Variants in IQSEC1 observed in about 807,000 individuals in gnomAD.
IQSEC1 encodes the protein IQ motif and Sec7 domain ArfGEF 1, also known as IQ motif and SEC7 domain-containing protein 1.
IQSEC1 carries 31 observed loss-of-function variants against 91.0 expected under a neutral mutation model. That is an observed-to-expected ratio of 0.34 (90% confidence interval 0.26 to 0.46). IQSEC1 has a LOEUF of 0.46. IQSEC1 is among the 20% of genes least tolerant of loss of function. The pLI, the probability that IQSEC1 is intolerant of heterozygous loss-of-function variation, is 1.00. For synonymous variants in IQSEC1, 699 were observed against 662.6 expected (o/e 1.05, Z -0.84); for missense variants, 1,388 against 1,575.6 (o/e 0.88, Z 2.02).
At chr3:13,167,466 G>T (rs1693518569) in intron 1 of IQSEC1, among the ~76,000 whole-genome samples, 1 of 152,198 alleles carries the variant, frequency 6.6e-6, no homozygotes, top group South Asian at 2.1e-4. Flanking sequence ...AAGCAGCTGG[G>T]AGTGGCTGAA....
At chr3:13,109,965 C>T (rs1292448451) in intron 2 of IQSEC1, among the ~76,000 whole-genome samples, 3 of 150,704 alleles carry the variant, frequency 2.0e-5, no homozygotes, top group African/African-American at 7.3e-5. Context: ...TCACTGTAAC[C>T]TCCACCTCCC....
intron 13 of IQSEC1, 144 bp downstream of exon 13, chr3:12,902,629 G>A (rs1694448810): frequency 3.2e-6 from 2 of 617,318 alleles, no homozygotes; most frequent in South Asian, 4.0e-5. Context: ...CTGTGCAGTA[G>A]GGGAAGGAAA....
intron 1 of IQSEC1, among the ~76,000 whole-genome samples, chr3:12,949,356 G>C (rs769343060): frequency 1.6e-4 from 25 of 152,240 alleles, no homozygotes; most frequent in Non-Finnish European, 2.9e-4. Flanking sequence ...TCTTCAGAGG[G>C]GGCCGGGCCC....
chr3:13,067,347 C>T (rs1436187637), intron 1 of IQSEC1, among the ~76,000 whole-genome samples: 4 of 152,208 alleles, frequency 2.6e-5, no homozygotes, highest in African/African-American at 9.6e-5. Context: ...TTAGCCAGCA[C>T]CCAGGAGCAA....
intron 2 of IQSEC1, among the ~76,000 whole-genome samples, chr3:13,089,632 T>C (rs12490669): frequency 3.0e-4 from 46 of 152,154 alleles, no homozygotes; most frequent in Non-Finnish European, 5.3e-4. Context: ...TGTGGCAACA[T>C]GGATAAACCT....
intron 1 of IQSEC1, among the ~76,000 whole-genome samples, chr3:12,984,612 G>A (rs1701632866): frequency 1.3e-5 from 2 of 152,100 alleles, no homozygotes; most frequent in South Asian, 4.1e-4. Flanking sequence ...ATGCATGCAC[G>A]ACCTGTAGCC....
intron 1 of IQSEC1, among the ~76,000 whole-genome samples, chr3:13,058,760 G>A (rs1355851111): frequency 6.6e-6 from 1 of 152,198 alleles, no homozygotes; most frequent in Non-Finnish European, 1.5e-5. Context: ...CTGAGTGTGG[G>A]GGCTTCTATT....
At chr3:12,968,711 T>A (rs1700756785) in intron 1 of IQSEC1, among the ~76,000 whole-genome samples, 1 of 152,096 alleles carries the variant, frequency 6.6e-6, no homozygotes, top group African/African-American at 2.4e-5. Context: ...TGCCTAGACG[T>A]GGTTGGGAGA....
chr3:13,062,501 G>T (rs1705098676), intron 1 of IQSEC1, among the ~76,000 whole-genome samples: 1 of 152,110 alleles, frequency 6.6e-6, no homozygotes, highest in Non-Finnish European at 1.5e-5. Context: ...CCTTGGAGAG[G>T]GGTGGGGTCC....
intron 1 of IQSEC1, among the ~76,000 whole-genome samples, chr3:13,181,250 G>A (rs548046362): frequency 4.0e-4 from 61 of 152,232 alleles, no homozygotes; most frequent in African/African-American, 1.4e-3. Flanking sequence ...CAGACTGGGC[G>A]ACAGAGCGAG....
At chr3:12,928,384 G>C (rs1017988559) in intron 3 of IQSEC1, among the ~76,000 whole-genome samples, 1 of 152,224 alleles carries the variant, frequency 6.6e-6, no homozygotes, top group African/African-American at 2.4e-5. Flanking sequence ...TGCTCAGTGA[G>C]GGGGCCTAGG....
chr3:13,140,550 A>G (rs573407270), intron 2 of IQSEC1, among the ~76,000 whole-genome samples: 1 of 152,324 alleles, frequency 6.6e-6, no homozygotes, highest in East Asian at 1.9e-4. Flanking sequence ...GGTGTAAGGA[A>G]CTTCTCAGCA....
At chr3:13,140,047 T>A (rs866906711) in intron 2 of IQSEC1, among the ~76,000 whole-genome samples, 2 of 152,198 alleles carry the variant, frequency 1.3e-5, no homozygotes, top group Non-Finnish European at 1.5e-5. Context: ...TTCAAGCCTG[T>A]CTTCTGGCTC....
intron 1 of IQSEC1, among the ~76,000 whole-genome samples, chr3:13,276,876 T>G (rs1405178701): frequency 1.3e-5 from 2 of 152,130 alleles, no homozygotes; most frequent in Non-Finnish European, 2.9e-5. Flanking sequence ...GGGTCTGCCC[T>G]GGGTGGGGGC....
chr3:13,085,675 G>A (rs572471832), intron 2 of IQSEC1, among the ~76,000 whole-genome samples: 35 of 152,152 alleles, frequency 2.3e-4, no homozygotes, highest in African/African-American at 5.1e-4. Context: ...CAGAATAGCC[G>A]TTACCAAAGT....
At chr3:12,943,122 A>T (rs181295052) in intron 1 of IQSEC1, among the ~76,000 whole-genome samples, 1 of 152,204 alleles carries the variant, frequency 6.6e-6, no homozygotes, top group East Asian at 1.9e-4. Flanking sequence ...AGGTGAGGAG[A>T]CTGAGGCCTA....
At chr3:13,101,297 T>C (rs896251896) in intron 2 of IQSEC1, among the ~76,000 whole-genome samples, 3 of 151,712 alleles carry the variant, frequency 2.0e-5, no homozygotes, top group Non-Finnish European at 2.9e-5. Context: ...CTGGCTAACA[T>C]GGTGAAACCC....
intron 1 of IQSEC1, among the ~76,000 whole-genome samples, chr3:13,179,034 G>T (rs1220897138): frequency 1.3e-5 from 2 of 152,144 alleles, no homozygotes; most frequent in Non-Finnish European, 2.9e-5. Context: ...CCCCTCCCTA[G>T]TTCCTGTTTC....
intron 2 of IQSEC1, among the ~76,000 whole-genome samples, chr3:13,132,862 C>T (rs531433317): frequency 8.5e-5 from 13 of 152,310 alleles, no homozygotes; most frequent in African/African-American, 3.1e-4. Context: ...ATGTTACAAG[C>T]GGAGACTTCC....
Sources: gnomAD v4.1 joint callset for allele counts (sites outside exome capture counted in the v4.1 genomes callset) on GRCh38, gnomAD v4.1.1 for gene constraint, MANE v1.5 for transcripts, NCBI Gene and HGNC (gene_info 2026-07-23, HGNC 2026-07-21) for gene names.